The following INSIG2 variants were observed in gnomAD, a reference collection of about 807,000 sequenced individuals.
INSIG2 encodes insulin-induced gene 2 protein.
In INSIG2, 10 loss-of-function variants were observed where a neutral mutation model predicts 27.2. The observed-to-expected ratio is 0.37, with a 90% CI of 0.23 to 0.62. INSIG2 has a LOEUF of 0.62. Ranked by LOEUF, INSIG2 falls within the 20% of genes least tolerant of loss-of-function variation. The pLI is 0.65. For synonymous variants in INSIG2, 97 were observed against 95.8 expected (o/e 1.01, Z -0.07); for missense variants, 178 against 270.2 (o/e 0.66, Z 2.39).
chr2:118,092,885 AGGACGAGGAGAGTTCTGTAGCTACT>A (rs1678291138), intron 1 of INSIG2, among the ~76,000 whole-genome samples: 1 of 147,802 alleles, frequency 6.8e-6, no homozygotes, highest in African/African-American at 2.5e-5. Context: ...GATGATGATG[AGGACGAGGAGAGTTCTGTAGCTACT>A]GAACCTTGCT....
chr2:118,089,195 G>C (rs567946341), intron 1 of INSIG2, among the ~76,000 whole-genome samples: 4 of 152,140 alleles, frequency 2.6e-5, no homozygotes, highest in African/African-American at 9.6e-5. Flanking sequence ...TGGATTATGG[G>C]AGTGGGCGCG....
Position 118,106,770 on chromosome 2 carries a change from C to T in INSIG2, c.403C>T (p.Leu135Phe). ...VDFDNNIQLS[L>F]TLAALSIGLW... ...TTTCGATAACAACATACAGTTGTCT[C>T]TCACACTGGCTGCACTATCCATTGG... Residue 135 changes from leucine (L) to phenylalanine (F), a missense_variant, in exon 4 of 6, where the codon CTC (leucine) becomes TTC (phenylalanine). Transcript: ENST00000245787. The T allele has an allele frequency of 6.2e-7, 1 of 1,614,064 alleles. No individual in the cohort carries two copies. Among genetic ancestry groups the T allele is most frequent in the Non-Finnish European group, 8.5e-7 (1 of 1,179,932 alleles).
intron 2 of INSIG2, 132 bp from the exon 3 acceptor site, chr2:118,103,065 A>G: frequency 1.2e-6 from 1 of 846,544 alleles, no homozygotes; most frequent in Non-Finnish European, 1.8e-6. Context: ...TTGATGTGAA[A>G]TAACTTTTTT....
At chr2:118,094,389 G>GATGATGATGATGATGATGATGATGAT (rs58844046) in intron 1 of INSIG2, among the ~76,000 whole-genome samples, 5 of 148,054 alleles carry the variant, frequency 3.4e-5, no homozygotes, top group African/African-American at 1.0e-4. Context: ...TGATGATGAT[G>GATGATGATGATGATGATGATGATGAT]GAGAGTTCTG....
intron 2 of INSIG2, 52 bp from the exon 3 acceptor site, chr2:118,103,145 G>T: frequency 3.4e-6 from 5 of 1,489,454 alleles, no homozygotes; most frequent in Non-Finnish European, 3.6e-6. Flanking sequence ...TAGCTTAAGT[G>T]TTGCCAGTAC....
At chr2:118,093,912 T>C (rs369913333) in intron 1 of INSIG2, among the ~76,000 whole-genome samples, 3 of 35,188 alleles carry the variant, frequency 8.5e-5, no homozygotes, top group East Asian at 1.7e-3. Flanking sequence ...TGAACCTTGC[T>C]AAAAGCAACC....
chr2:118,091,854 A>G (rs994415461), intron 1 of INSIG2, among the ~76,000 whole-genome samples: 1 of 152,328 alleles, frequency 6.6e-6, no homozygotes, highest in East Asian at 1.9e-4. Context: ...TTGAAATAGA[A>G]TGAAGTCTGT....
intron 1 of INSIG2, 43 bp from the exon 2 acceptor site, chr2:118,096,376 T>C: frequency 2.0e-6 from 1 of 511,446 alleles, no homozygotes; most frequent in Non-Finnish European, 3.4e-6. Context: ...ACAATAATCA[T>C]GTATTAGATA....
At chr2:118,104,672 G>A (rs776196730) in intron 3 of INSIG2, among the ~76,000 whole-genome samples, 18 of 152,084 alleles carry the variant, frequency 1.2e-4, no homozygotes, top group Admixed American at 3.3e-4. Flanking sequence ...TTTATACTGC[G>A]ACATTGCAGC....
chr2:118,092,782 G>A (rs1259697541), intron 1 of INSIG2, among the ~76,000 whole-genome samples: 6 of 151,834 alleles, frequency 4.0e-5, no homozygotes, highest in Non-Finnish European at 4.4e-5. Context: ...TTCCATAAAT[G>A]GGTGCCCTAT....
At chr2:118,103,440 G>A (rs1467178189) in intron 3 of INSIG2, 119 bp downstream of exon 3, 3 of 803,008 alleles carry the variant, frequency 3.7e-6, no homozygotes, top group Non-Finnish European at 5.8e-6. Flanking sequence ...TTAGTCAGAA[G>A]AAGAATGTCA....
rs141751795 is a variant in INSIG2, at chr2:118,101,460, G to T, written c.245-1737G>T. ...TTTATACCTTTGCACATACATGTCA[G>T]TATTCTCTATGTAATAATTCTTTAC... is the stretch of plus-strand genomic sequence containing the variant. On this transcript the variant is annotated intron_variant, in intron 2 of 5. Transcript: ENST00000245787. Among the ~76,000 whole-genome samples, 65 of 152,270 alleles carry T rather than the reference G, an allele frequency of 4.3e-4. 2 individuals are homozygous for T. The East Asian group carries it at 0.013, about 29-fold the overall frequency.
At chr2:118,101,727 A>G (rs1260607376) in intron 2 of INSIG2, among the ~76,000 whole-genome samples, 1 of 152,210 alleles carries the variant, frequency 6.6e-6, no homozygotes, top group African/African-American at 2.4e-5. Context: ...TAATCTTGTC[A>G]GGATTTTGGA....
intron 2 of INSIG2, among the ~76,000 whole-genome samples, chr2:118,097,183 C>A (rs1045200523): frequency 2.0e-5 from 3 of 151,964 alleles, no homozygotes; most frequent in African/African-American, 7.3e-5. Flanking sequence ...TTCTATCTGT[C>A]CTGTAAACTT....
chr2:118,103,069 CTT>C (rs1041928526), intron 2 of INSIG2, 126 bp from the exon 3 acceptor site: 8 of 787,474 alleles, frequency 1.0e-5, no homozygotes, highest in Non-Finnish European at 1.5e-5. Flanking sequence ...TGTGAAATAA[CTT>C]TTTTTTTTGT....
chr2:118,107,027 G>C, intron 4 of INSIG2, 63 bp from the exon 5 acceptor site: 1 of 1,449,938 alleles, frequency 6.9e-7, no homozygotes, highest in Non-Finnish European at 9.6e-7. Context: ...TATTTTCATT[G>C]TAATTATCTT....
chr2:118,102,507 A>G (rs948863368), intron 2 of INSIG2: 1 of 152,164 alleles, frequency 6.6e-6, no homozygotes, highest in African/African-American at 2.4e-5. Context: ...TGTTTCCTCC[A>G]TTGTTTCTAT....
chr2:118,090,505 G>A (rs368588296), intron 1 of INSIG2, among the ~76,000 whole-genome samples: 1 of 152,242 alleles, frequency 6.6e-6, no homozygotes, highest in East Asian at 1.9e-4. Context: ...TTAATAGGCA[G>A]CCATACACCT....
At chr2:118,093,186 A>G (rs1678303173) in intron 1 of INSIG2, among the ~76,000 whole-genome samples, 1 of 77,824 alleles carries the variant, frequency 1.3e-5, no homozygotes, top group Non-Finnish European at 2.5e-5. Flanking sequence ...TTCTGTAGCT[A>G]CTGAACCTTG....
Sources: gnomAD v4.1 joint callset for allele counts (sites outside exome capture counted in the v4.1 genomes callset) on GRCh38, gnomAD v4.1.1 for gene constraint, MANE v1.5 for transcripts, NCBI Gene and HGNC (gene_info 2026-07-23, HGNC 2026-07-21) for gene names.